Variants in BIRC2 observed in about 807,000 individuals in gnomAD.
BIRC2 encodes the protein baculoviral IAP repeat-containing protein 2.
In BIRC2, 18 loss-of-function variants were observed where a neutral mutation model predicts 60.9. The ratio of observed to expected loss-of-function variants is 0.30; its 90% CI spans 0.20 to 0.44. The LOEUF is 0.44. BIRC2 is among the 20% of genes least tolerant of loss of function. The pLI, the probability that BIRC2 is intolerant of heterozygous loss-of-function variation, is 1.00. For synonymous variants in BIRC2, 282 were observed against 247.7 expected, an observed-to-expected ratio of 1.14 and a Z score of -1.30; for missense variants, 701 against 728.5, an observed-to-expected ratio of 0.96 and a Z score of 0.43.
intron 3 of BIRC2, among the ~76,000 whole-genome samples, chr11:102,361,108 TGGTGGA>T (rs1467812303): frequency 6.6e-6 from 1 of 151,570 alleles, no homozygotes; most frequent in Non-Finnish European, 1.5e-5. Context: ...CTTGTTGTGT[TGGTGGA>T]GGTGGCAGCA....
rs56992401 is a variant in BIRC2, at chr11:102,364,186, CAGAGAGAGAGAGAGAG to C, written c.1123+485_1123+500del. Among the ~76,000 whole-genome samples the C allele has an allele frequency of 1.8e-4, 18 of 99,776 alleles. No homozygotes were observed. In the South Asian group the frequency reaches 4.2e-3, roughly 23 times the overall value. 65.5% of individuals were successfully genotyped at this position (99,776 alleles called of 152,430 possible). A position where few individuals can be genotyped will look rare whatever the true frequency, so the allele number is the denominator to read the frequency against. Reference sequence around the variant, plus strand: ...ATATATATATATATACACACACACACAGAGAGAGAGAGAGAGAGAGAGAGAGAGAGTGTAATGACAC... The same window carrying C: ...ATATATATATATATACACACACACACAGAGAGAGAGAGAGTGTAATGACAC... On this transcript the variant is annotated intron_variant, in intron 5 of 8. Transcript: ENST00000227758.
chr11:102,359,363 A>G (rs1360825795), intron 3 of BIRC2, among the ~76,000 whole-genome samples: 2 of 152,226 alleles, frequency 1.3e-5, no homozygotes, highest in African/African-American at 4.8e-5. Context: ...GTATTTTAGA[A>G]TTAAGTAATT....
intron 6 of BIRC2, among the ~76,000 whole-genome samples, chr11:102,369,425 C>T (rs1206511422): frequency 2.7e-5 from 4 of 150,726 alleles, no homozygotes; most frequent in African/African-American, 9.8e-5. Context: ...TTTGGTTTTT[C>T]GTTCTTGCGA....
intron 6 of BIRC2, among the ~76,000 whole-genome samples, chr11:102,370,025 T>C (rs1225683705): frequency 6.6e-6 from 1 of 152,238 alleles, no homozygotes; most frequent in Non-Finnish European, 1.5e-5. Context: ...TGTTTTTGTC[T>C]TGTAAATTTG....
At chr11:102,354,050 A>G (rs973500527) in intron 3 of BIRC2, among the ~76,000 whole-genome samples, 1 of 152,148 alleles carries the variant, frequency 6.6e-6, no homozygotes, top group Non-Finnish European at 1.5e-5. Context: ...CACATCTGCA[A>G]ATGTGATCTG....
At chr11:102,365,743 A>AGTGTGTGTGTGTGTGTGTGTGTGTGTGT (rs34130638) in intron 5 of BIRC2, among the ~76,000 whole-genome samples, 4 of 147,564 alleles carry the variant, frequency 2.7e-5, no homozygotes, top group African/African-American at 1.0e-4. Flanking sequence ...CATTCAGCTA[A>AGTGTGTGTGTGTGTGTGTGTGTGTGTGT]GTGTGTGTGT....
At chr11:102,355,185 A>C (rs1951407496) in intron 3 of BIRC2, among the ~76,000 whole-genome samples, 1 of 152,106 alleles carries the variant, frequency 6.6e-6, no homozygotes, top group Non-Finnish European at 1.5e-5. Flanking sequence ...TGCCAAGACC[A>C]GTGCCAAGGA....
At chr11:102,367,038 T>G (rs1362647260) in intron 5 of BIRC2, among the ~76,000 whole-genome samples, 1 of 152,182 alleles carries the variant, frequency 6.6e-6, no homozygotes, top group Non-Finnish European at 1.5e-5. Context: ...AGCTCACTCC[T>G]TTTTCCCCCC....
chr11:102,377,928 C>T (rs780835363), intron 8 of BIRC2, 30 bp downstream of exon 8: 1 of 1,607,212 alleles, frequency 6.2e-7, no homozygotes. Context: ...CCAACATGAA[C>T]TATTACCCTT....
chr11:102,365,298 A>G (rs1487925835), intron 5 of BIRC2, among the ~76,000 whole-genome samples: 2 of 152,170 alleles, frequency 1.3e-5, no homozygotes, highest in Non-Finnish European at 2.9e-5. Context: ...TGAATCACTC[A>G]TGTTAGCATA....
At chr11:102,362,727 T>A in intron 3 of BIRC2, 169 bp from the exon 4 acceptor site, 1 of 536,218 alleles carries the variant, frequency 1.9e-6, no homozygotes, top group African/African-American at 1.9e-5. Context: ...GGATGTATAT[T>A]GTTTTATGAT....
intron 6 of BIRC2, among the ~76,000 whole-genome samples, chr11:102,375,437 G>A (rs1004412181): frequency 6.6e-6 from 1 of 152,132 alleles, no homozygotes; most frequent in Non-Finnish European, 1.5e-5. Flanking sequence ...TGACCGTGTA[G>A]CAAAATATTT....
intron 5 of BIRC2, 92 bp from the exon 6 acceptor site, chr11:102,368,214 G>A (rs1951575379): frequency 7.2e-7 from 1 of 1,393,002 alleles, no homozygotes; most frequent in African/African-American, 1.4e-5. Flanking sequence ...CAGAATATGA[G>A]AGTAAAGGAT....
chr11:102,350,971 CA>C, intron 3 of BIRC2, 28 bp downstream of exon 3: 1 of 1,600,512 alleles, frequency 6.2e-7, no homozygotes, highest in African/African-American at 1.3e-5. Context: ...GGTATTTGTA[CA>C]AAAAACTCTG....
At chr11:102,359,566 C>T (rs1426482047) in intron 3 of BIRC2, among the ~76,000 whole-genome samples, 3 of 152,134 alleles carry the variant, frequency 2.0e-5, no homozygotes, top group African/African-American at 4.8e-5. Flanking sequence ...TTGTCTGGGA[C>T]TGTTTATATC....
intron 6 of BIRC2, among the ~76,000 whole-genome samples, chr11:102,375,383 G>A (rs1951698227): frequency 6.6e-6 from 1 of 152,214 alleles, no homozygotes; most frequent in African/African-American, 2.4e-5. Flanking sequence ...TTCTTTTTAA[G>A]CTTGTAAGTA....
intron 3 of BIRC2, among the ~76,000 whole-genome samples, chr11:102,353,599 T>C (rs1304127802): frequency 6.6e-6 from 1 of 151,914 alleles, no homozygotes; most frequent in African/African-American, 2.4e-5. Flanking sequence ...CTTACAGGCA[T>C]GAGCCACTGA....
chr11:102,369,395 A>G (rs1482041047), intron 6 of BIRC2, among the ~76,000 whole-genome samples: 2 of 147,314 alleles, frequency 1.4e-5, no homozygotes, highest in African/African-American at 2.5e-5. Flanking sequence ...GTTCCCACCT[A>G]TGAGTGAGAA....
At chr11:102,377,475 C>G in intron 6 of BIRC2, 21 bp from the exon 7 acceptor site, 2 of 1,572,110 alleles carry the variant, frequency 1.3e-6, no homozygotes, top group Non-Finnish European at 1.7e-6. Flanking sequence ...TAATGGATTT[C>G]TTTTTCTTTT....
Sources: gnomAD v4.1 joint callset for allele counts (sites outside exome capture counted in the v4.1 genomes callset) on GRCh38, gnomAD v4.1.1 for gene constraint, MANE v1.5 for transcripts, NCBI Gene and HGNC (gene_info 2026-07-23, HGNC 2026-07-21) for gene names.